MAP2K6: variants seen among roughly 807,000 people sequenced by gnomAD.
MAP2K6 encodes dual specificity mitogen-activated protein kinase kinase 6.
Under a neutral mutation model 53.7 loss-of-function variants are expected in MAP2K6, and 16 were observed. That is an observed-to-expected ratio of 0.30 (90% CI 0.20 to 0.45). The LOEUF is 0.45. MAP2K6 is among the 20% of genes least tolerant of loss of function. The pLI, the probability that MAP2K6 is intolerant of heterozygous loss-of-function variation, is 1.00. For missense variants in MAP2K6, 204 were observed against 411.9 expected, an observed-to-expected ratio of 0.50 and a Z score of 4.37; for synonymous variants, 132 against 143.1, an observed-to-expected ratio of 0.92 and a Z score of 0.55.
At chr17:69,455,040 T>TGG (rs1567823779) in intron 1 of MAP2K6, among the ~76,000 whole-genome samples, 2 of 151,418 alleles carry the variant, frequency 1.3e-5, no homozygotes, top group East Asian at 3.9e-4. Flanking sequence ...TTATTATTTT[T>TGG]TTTTTTTTTT....
intron 7 of MAP2K6, among the ~76,000 whole-genome samples, chr17:69,523,308 G>A (rs866517152): frequency 6.6e-6 from 1 of 152,184 alleles, no homozygotes. Flanking sequence ...ATTCTACAAG[G>A]CATGAACAAA....
chr17:69,479,441 G>A (rs930648188), intron 1 of MAP2K6, among the ~76,000 whole-genome samples: 1 of 152,032 alleles, frequency 6.6e-6, no homozygotes, highest in Non-Finnish European at 1.5e-5. Context: ...GTAAAGGGGT[G>A]TCTGTGAAAC....
intron 1 of MAP2K6, chr17:69,433,731 T>C (rs997204745): frequency 5.9e-5 from 9 of 152,218 alleles, no homozygotes; most frequent in Non-Finnish European, 1.0e-4. Flanking sequence ...TGCTTGGATC[T>C]TGAAAGGTGA....
rs1567853184 is a variant in MAP2K6 at position 69,521,819 on chromosome 17, A to AAAC, written c.535+721_535+722insCAA. ...AAGATAAATGTACAAAAAAAAAAAA[A>AAAC]AAAAAAAAAAAAAACCACCTTAGAA... On this transcript the variant is annotated intron_variant, in intron 7 of 11. Transcript: ENST00000590474. The AAAC allele has an allele frequency of 1.5e-3, 216 of 142,228 alleles. 2 individuals carry two copies. Among genetic ancestry groups the AAAC allele is most frequent in the African/African-American group, 5.6e-3 (204 of 36,490 alleles). The allele number at this position is 142,228 out of a possible 1,614,324, so 8.8% of individuals were successfully genotyped here. A position where few individuals can be genotyped will look rare whatever the true frequency, so the allele number is the denominator to read the frequency against.
At chr17:69,539,740 C>T (rs1598322898) in intron 11 of MAP2K6, among the ~76,000 whole-genome samples, 1 of 152,198 alleles carries the variant, frequency 6.6e-6, no homozygotes, top group East Asian at 1.9e-4. Flanking sequence ...GAAGCAGTCA[C>T]CAAGATAATC....
At chr17:69,454,238 T>C (rs1039068780) in intron 1 of MAP2K6, among the ~76,000 whole-genome samples, 3 of 152,166 alleles carry the variant, frequency 2.0e-5, no homozygotes, top group Non-Finnish European at 4.4e-5. Context: ...CCTTTGAGCT[T>C]TGTGAAAGCT....
At chr17:69,523,731 T>C in intron 8 of MAP2K6, 90 bp downstream of exon 8, 1 of 1,517,302 alleles carries the variant, frequency 6.6e-7, no homozygotes, top group African/African-American at 1.4e-5. Flanking sequence ...AGAGGGAAAA[T>C]GGAAATGTAC....
At chr17:69,423,609 C>G (rs1204281358) in intron 1 of MAP2K6, among the ~76,000 whole-genome samples, 1 of 152,164 alleles carries the variant, frequency 6.6e-6, no homozygotes, top group Non-Finnish European at 1.5e-5. Context: ...AGCCAGAGAC[C>G]TCTTGGGCCC....
intron 1 of MAP2K6, among the ~76,000 whole-genome samples, chr17:69,455,152 G>C (rs999724225): frequency 6.6e-6 from 1 of 151,962 alleles, no homozygotes; most frequent in Non-Finnish European, 1.5e-5. Flanking sequence ...TTATATTGGA[G>C]ATATGAGAGT....
At chr17:69,519,240 G>T in intron 4 of MAP2K6, 73 bp from the exon 5 acceptor site, 9 of 1,510,502 alleles carry the variant, frequency 6.0e-6, no homozygotes, top group Non-Finnish European at 8.0e-6. Context: ...TTTTCACGAT[G>T]GGACTCCTTC....
At chr17:69,433,879 T>C (rs1906555586) in intron 1 of MAP2K6, 3 of 152,072 alleles carry the variant, frequency 2.0e-5, no homozygotes, top group South Asian at 2.1e-4. Context: ...AGCAGACCCG[T>C]GAGAGATGAG....
At chr17:69,504,516 T>G (rs969984522) in intron 1 of MAP2K6, 2 of 152,206 alleles carry the variant, frequency 1.3e-5, no homozygotes, top group African/African-American at 4.8e-5. Flanking sequence ...ACCTCGTGAT[T>G]CGCCCGTCTC....
At chr17:69,515,851 T>C (rs946598908) in intron 2 of MAP2K6, among the ~76,000 whole-genome samples, 7 of 152,218 alleles carry the variant, frequency 4.6e-5, no homozygotes, top group Admixed American at 6.5e-5. Flanking sequence ...TTGAAATTCT[T>C]ATGTTCTATG....
intron 10 of MAP2K6, among the ~76,000 whole-genome samples, chr17:69,528,498 ATGGT>A (rs1428613863): frequency 1.3e-5 from 2 of 151,736 alleles, no homozygotes; most frequent in Non-Finnish European, 2.9e-5. Flanking sequence ...TTTTTTGTGG[ATGGT>A]TGGTTGGTTG....
chr17:69,539,224 CTG>C (rs1327139401), intron 11 of MAP2K6, among the ~76,000 whole-genome samples: 4 of 152,240 alleles, frequency 2.6e-5, no homozygotes, highest in African/African-American at 9.6e-5. Flanking sequence ...CTGCTGGTGA[CTG>C]TAGCTTGTCT....
At chr17:69,428,717 AG>A (rs948443848) in intron 1 of MAP2K6, among the ~76,000 whole-genome samples, 106 of 152,300 alleles carry the variant, frequency 7.0e-4, no homozygotes, top group African/African-American at 2.4e-3. Context: ...TGGGAAGATC[AG>A]GAGTCTGTTG....
chr17:69,497,228 C>CAGATGGGTTCACTTAATCAGCA (rs376368153), intron 1 of MAP2K6, among the ~76,000 whole-genome samples: 27 of 152,294 alleles, frequency 1.8e-4, no homozygotes, highest in African/African-American at 6.3e-4. Context: ...CATGGATGAA[C>CAGATGGGTTCACTTAATCAGCA]AGATGGGTTC....
rs140513110 is a variant in MAP2K6, at chr17:69,533,874, G to T, written c.882-2241G>T. Among the ~76,000 whole-genome samples the T allele has an allele frequency of 4.7e-3, 715 of 152,164 alleles. 4 individuals carry two copies. Among genetic ancestry groups the T allele is most frequent in the African/African-American group, 0.015 (634 of 41,506 alleles). ...ACACTTTTGCTTCCTGGGGTTGAGG[G>T]CAGGAGACGGTCGTGGTGAGAATGT... On this transcript the variant is annotated intron_variant, in intron 10 of 11. Coordinates refer to ENST00000590474, the MANE Select transcript of MAP2K6 (RefSeq NM_002758.4).
At chr17:69,458,588 A>G (rs1025444552) in intron 1 of MAP2K6, among the ~76,000 whole-genome samples, 1 of 152,212 alleles carries the variant, frequency 6.6e-6, no homozygotes, top group Non-Finnish European at 1.5e-5. Flanking sequence ...GTTGTGGTCT[A>G]TACCCATCTA....
Sources: gnomAD v4.1 joint callset for allele counts (sites outside exome capture counted in the v4.1 genomes callset) on GRCh38, gnomAD v4.1.1 for gene constraint, MANE v1.5 for transcripts, NCBI Gene and HGNC (gene_info 2026-07-23, HGNC 2026-07-21) for gene names.